Variants in PTPRC observed in about 807,000 individuals in gnomAD.
PTPRC encodes the protein receptor-type tyrosine-protein phosphatase C.
A neutral mutation model predicts 155.9 loss-of-function variants in PTPRC; 44 were observed. That is an observed-to-expected ratio of 0.28 (90% CI 0.22 to 0.36). The LOEUF is 0.36. PTPRC is among the 10% of genes least tolerant of loss of function. The pLI, the probability that PTPRC is intolerant of heterozygous loss-of-function variation, is 1.00. For synonymous variants in PTPRC, 525 were observed against 533.1 expected, an observed-to-expected ratio of 0.98 and a Z score of 0.21; for missense variants, 1,401 against 1,564.6, an observed-to-expected ratio of 0.90 and a Z score of 1.76.
intron 6 of PTPRC, among the ~76,000 whole-genome samples, chr1:198,702,980 T>C (rs1337084222): frequency 6.6e-6 from 1 of 152,226 alleles, no homozygotes; most frequent in Non-Finnish European, 1.5e-5. Context: ...AGAGTAATTG[T>C]GACGCTTATT....
At chr1:198,681,956 C>A (rs1665359575) in intron 2 of PTPRC, among the ~76,000 whole-genome samples, 1 of 152,184 alleles carries the variant, frequency 6.6e-6, no homozygotes, top group Non-Finnish European at 1.5e-5. Flanking sequence ...TATGCTGGTG[C>A]TATGGCAACC....
intron 2 of PTPRC, among the ~76,000 whole-genome samples, chr1:198,659,651 C>T (rs1342622542): frequency 6.6e-6 from 1 of 151,486 alleles, no homozygotes; most frequent in Non-Finnish European, 1.5e-5. Flanking sequence ...TCTCCTGCCT[C>T]GGACTTCTGA....
chr1:198,735,134 G>C lies in PTPRC; in HGVS notation c.2285G>C (p.Cys762Ser). The C allele has an allele frequency of 1.2e-6, 2 of 1,600,250 alleles. No homozygotes were observed. Among genetic ancestry groups the C allele is most frequent in the Non-Finnish European group, 1.7e-6 (2 of 1,172,148 alleles). The change falls in exon 23 of 33, where the codon TGT (cysteine) becomes TCT (serine). Residue 762 changes from cysteine to serine, a missense_variant. This residue lies in a region of PTPRC where 867 missense variants were observed against 970.4 expected (regional missense o/e 0.89). Coordinates refer to ENST00000442510, the MANE Select transcript of PTPRC (RefSeq NM_002838.5). ...TRCEEGNRNKCAEYWPSMEEG... is the reference protein window; with the variant it reads ...TRCEEGNRNKSAEYWPSMEEG... ...TAATTTTTTAAAATGTAGAACAAGT[G>C]TGCAGAATACTGGCCGTCAATGGAA... is the stretch of plus-strand genomic sequence containing the variant.
chr1:198,716,601 G>T, intron 12 of PTPRC, 81 bp from the exon 13 acceptor site: 1 of 1,246,136 alleles, frequency 8.0e-7, no homozygotes, highest in Non-Finnish European at 1.2e-6. Flanking sequence ...GGAACAATGT[G>T]ATGTAGAGAC....
At chr1:198,672,341 C>G (rs1387364289) in intron 2 of PTPRC, among the ~76,000 whole-genome samples, 2 of 152,188 alleles carry the variant, frequency 1.3e-5, no homozygotes, top group Non-Finnish European at 2.9e-5. Flanking sequence ...AATCTGGGTC[C>G]TGATACCATC....
chr1:198,715,121 TTTTG>T lies in PTPRC; in HGVS notation c.1292-1544_1292-1541del, dbSNP rs915193487. Among the ~76,000 whole-genome samples, 12 of 152,040 alleles carry T rather than the reference TTTTG, an allele frequency of 7.9e-5. No homozygotes were observed. In the East Asian group the frequency reaches 1.5e-3, roughly 20 times the overall value. On this transcript the variant is annotated intron_variant, in intron 12 of 32. Transcript: ENST00000442510. ...TGATCTGTTTCCTTTCTGCTCTTGG[TTTTG>T]TTTGTTTGTTTGTTTGAGAGGGAGT...
intron 23 of PTPRC, among the ~76,000 whole-genome samples, chr1:198,741,310 T>A (rs1423881263): frequency 1.3e-5 from 2 of 151,904 alleles, no homozygotes; most frequent in Admixed American, 1.3e-4. Flanking sequence ...TCCTCAGTCG[T>A]CTCTCTACAT....
chr1:198,675,444 T>A (rs1571816235), intron 2 of PTPRC, among the ~76,000 whole-genome samples: 1 of 152,170 alleles, frequency 6.6e-6, no homozygotes, highest in Non-Finnish European at 1.5e-5. Flanking sequence ...TCATTAATAA[T>A]AAGAATCCAT....
intron 2 of PTPRC, chr1:198,667,209 C>T (rs1310356120): frequency 6.6e-6 from 1 of 152,176 alleles, no homozygotes; most frequent in Non-Finnish European, 1.5e-5. Flanking sequence ...CTTTTGTCTA[C>T]ACTTATTGGC....
chr1:198,656,641 TTTTTGTTTTTTG>T (rs1557971684), intron 2 of PTPRC, among the ~76,000 whole-genome samples: 2 of 87,694 alleles, frequency 2.3e-5, no homozygotes, highest in African/African-American at 5.0e-5. Context: ...GGCTACTAGT[TTTTTGTTTTTTG>T]TTTTTTTTTT....
At chr1:198,724,568 T>C (rs1654041183) in intron 15 of PTPRC, among the ~76,000 whole-genome samples, 2 of 152,214 alleles carry the variant, frequency 1.3e-5, no homozygotes, top group South Asian at 4.1e-4. Flanking sequence ...CTGGCACTTG[T>C]TCAGTGTATC....
intron 2 of PTPRC, among the ~76,000 whole-genome samples, chr1:198,686,614 C>A (rs1224376214): frequency 2.0e-5 from 3 of 152,148 alleles, no homozygotes; most frequent in African/African-American, 7.2e-5. Context: ...ATTTCCATTG[C>A]TATGTCACAT....
chr1:198,687,084 C>T (rs1665667056), intron 2 of PTPRC, among the ~76,000 whole-genome samples: 1 of 152,196 alleles, frequency 6.6e-6, no homozygotes, highest in South Asian at 2.1e-4. Flanking sequence ...CATCTCACTA[C>T]AGCCTCAACA....
rs774881107 is a variant in PTPRC, at chr1:198,734,392, T to C, written c.2244T>C (p.Ile748=). The change falls in exon 22 of 33, where the codon ATT becomes ATC. Residue 748 remains isoleucine, a synonymous_variant. Transcript: ENST00000442510. The stretch of plus-strand genomic sequence containing the variant: ...TTTGGGAACAGAAAGCCACAGTTAT[T>C]GTCATGGTCACTCGATGTGAAGAAG... ...RMIWEQKATV[I]VMVTRCEEGN... 24 of 1,611,074 alleles carry C rather than the reference T, an allele frequency of 1.5e-5. No homozygotes were observed. In the East Asian group the frequency reaches 5.4e-4, roughly 36 times the overall value.
chr1:198,691,130 A>G (rs1665903142), intron 2 of PTPRC, among the ~76,000 whole-genome samples: 1 of 152,042 alleles, frequency 6.6e-6, no homozygotes, highest in Non-Finnish European at 1.5e-5. Context: ...TCTATCCTGG[A>G]CACTTCTCTT....
chr1:198,741,731 C>A, intron 23 of PTPRC, 138 bp from the exon 24 acceptor site: 1 of 838,090 alleles, frequency 1.2e-6, no homozygotes, highest in Non-Finnish European at 1.9e-6. Flanking sequence ...ATATAAGACA[C>A]CTGAGGAAAC....
At chr1:198,669,005 T>A (rs2102285026) in intron 2 of PTPRC, among the ~76,000 whole-genome samples, 1 of 152,338 alleles carries the variant, frequency 6.6e-6, no homozygotes, top group South Asian at 2.1e-4. Flanking sequence ...TTGAAAGTGA[T>A]GATATTTGGT....
intron 2 of PTPRC, among the ~76,000 whole-genome samples, chr1:198,664,809 G>T (rs1015993042): frequency 1.3e-5 from 2 of 152,038 alleles, no homozygotes; most frequent in African/African-American, 4.8e-5. Context: ...TTCTCCCCCT[G>T]CCCTGAGCCT....
chr1:198,734,600 A>C (rs1654541682), intron 22 of PTPRC, among the ~76,000 whole-genome samples, 175 bp downstream of exon 22: 1 of 151,808 alleles, frequency 6.6e-6, no homozygotes, highest in South Asian at 2.1e-4. Context: ...TAAAACTTTT[A>C]ACATACAAAT....
Sources: gnomAD v4.1 joint callset for allele counts (sites outside exome capture counted in the v4.1 genomes callset) on GRCh38, gnomAD v4.1.1 for gene constraint, gnomAD v4.1.1 regional missense constraint, MANE v1.5 for transcripts, NCBI Gene and HGNC (gene_info 2026-07-23, HGNC 2026-07-21) for gene names.